The following SRPK2 variants were observed in gnomAD, a reference collection of about 807,000 sequenced individuals.
SRPK2 encodes the protein SRSF protein kinase 2, also known as SFRS protein kinase 2.
A neutral mutation model predicts 90.8 loss-of-function variants in SRPK2; 21 were observed. The observed-to-expected ratio is 0.23, with a 90% CI of 0.16 to 0.33. The LOEUF (loss-of-function observed/expected upper bound fraction) is 0.33, where lower values mean the gene tolerates loss of function less well. Among genes scored for constraint, SRPK2 ranks in the 10% least tolerant of loss-of-function variants. The pLI, the probability that SRPK2 is intolerant of heterozygous loss-of-function variation, is 1.00. For missense variants in SRPK2, 620 were observed against 869.0 expected, an observed-to-expected ratio of 0.71 and a Z score of 3.60; for synonymous variants, 288 against 311.1, an observed-to-expected ratio of 0.93 and a Z score of 0.78.
intron 2 of SRPK2, among the ~76,000 whole-genome samples, chr7:105,378,708 A>G (rs1373031398): frequency 6.6e-6 from 1 of 151,092 alleles, no homozygotes; most frequent in Non-Finnish European, 1.5e-5. Flanking sequence ...GGTTGCAGTG[A>G]GCCGAGATCA....
intron 3 of SRPK2, among the ~76,000 whole-genome samples, chr7:105,181,004 C>T (rs1200544306): frequency 6.6e-6 from 1 of 152,068 alleles, no homozygotes; most frequent in Non-Finnish European, 1.5e-5. Flanking sequence ...AGAATCTACA[C>T]AGAACTTAAA....
chr7:105,283,971 C>A (rs1278867480), intron 2 of SRPK2, among the ~76,000 whole-genome samples: 1 of 152,058 alleles, frequency 6.6e-6, no homozygotes, highest in Non-Finnish European at 1.5e-5. Context: ...ACCTGGGAGA[C>A]AGGCTGGGAG....
At chr7:105,265,931 T>TC (rs1805008431) in intron 2 of SRPK2, among the ~76,000 whole-genome samples, 1 of 152,142 alleles carries the variant, frequency 6.6e-6, no homozygotes, top group African/African-American at 2.4e-5. Context: ...CTGAGTTTTT[T>TC]TCTCTCTCTT....
At chr7:105,336,409 T>G (rs1390637997) in intron 2 of SRPK2, among the ~76,000 whole-genome samples, 2 of 152,164 alleles carry the variant, frequency 1.3e-5, no homozygotes, top group Non-Finnish European at 1.5e-5. Context: ...TATAAAACCT[T>G]TAATGAAAAT....
intron 3 of SRPK2, among the ~76,000 whole-genome samples, chr7:105,197,361 G>A (rs759949473): frequency 3.9e-5 from 6 of 152,142 alleles, no homozygotes; most frequent in Admixed American, 3.3e-4. Flanking sequence ...TCACTCAAAT[G>A]TGTGTGACAG....
intron 3 of SRPK2, among the ~76,000 whole-genome samples, chr7:105,191,873 C>CA (rs987772385): frequency 2.4e-4 from 34 of 140,356 alleles, no homozygotes; most frequent in East Asian, 8.0e-4. Context: ...TAAAAAAAAA[C>CA]AAAAAAAACT....
At chr7:105,339,007 GAAT>G (rs1337251501) in intron 2 of SRPK2, among the ~76,000 whole-genome samples, 1 of 152,022 alleles carries the variant, frequency 6.6e-6, no homozygotes, top group East Asian at 1.9e-4. Flanking sequence ...ATTTTGAAAG[GAAT>G]AATAATAGTT....
chr7:105,125,963 C>G (rs777011919), intron 15 of SRPK2: 21 of 729,044 alleles, frequency 2.9e-5, no homozygotes, highest in Admixed American at 1.7e-4. Context: ...CCCGCGCAGA[C>G]AGAAACAGAG....
intron 2 of SRPK2, among the ~76,000 whole-genome samples, chr7:105,257,431 C>T (rs1267190182): frequency 6.6e-6 from 1 of 152,230 alleles, no homozygotes; most frequent in Non-Finnish European, 1.5e-5. Flanking sequence ...AGTGCCACTG[C>T]TGACATGCAA....
At chr7:105,347,205 A>G (rs1049212662) in intron 2 of SRPK2, among the ~76,000 whole-genome samples, 10 of 151,908 alleles carry the variant, frequency 6.6e-5, no homozygotes, top group African/African-American at 2.4e-5. Flanking sequence ...CTGGGACTAC[A>G]GACATGTGCC....
At chr7:105,208,171 G>A (rs368876779) in intron 2 of SRPK2, among the ~76,000 whole-genome samples, 3 of 152,150 alleles carry the variant, frequency 2.0e-5, no homozygotes, top group Non-Finnish European at 2.9e-5. Flanking sequence ...AAGAAATAAG[G>A]ATCTTCAAAC....
At chr7:105,247,933 CA>C (rs111452727) in intron 2 of SRPK2, among the ~76,000 whole-genome samples, 5,267 of 150,754 alleles carry the variant, frequency 0.035, 326 homozygotes, top group African/African-American at 0.12. Context: ...TGCAATGGTG[CA>C]ACCTCCACCT....
At chr7:105,362,336 G>A (rs181990930) in intron 2 of SRPK2, among the ~76,000 whole-genome samples, 21 of 152,164 alleles carry the variant, frequency 1.4e-4, no homozygotes, top group African/African-American at 2.6e-4. Flanking sequence ...GGCCGGGCGC[G>A]GTGGCTCACG....
At chr7:105,356,449 A>C (rs1274792691) in intron 2 of SRPK2, among the ~76,000 whole-genome samples, 1 of 152,232 alleles carries the variant, frequency 6.6e-6, no homozygotes, top group Non-Finnish European at 1.5e-5. Flanking sequence ...TTTTAAGCCC[A>C]GTTTAGAGTG....
At chr7:105,242,467 AC>A (rs1800945370) in intron 2 of SRPK2, among the ~76,000 whole-genome samples, 1 of 152,064 alleles carries the variant, frequency 6.6e-6, no homozygotes. Context: ...AGCCAAGATC[AC>A]CCCACTGCAC....
At chr7:105,388,974 G>A, upstream of SRPK2, 3 of 915,036 alleles carry the variant, frequency 3.3e-6, no homozygotes, top group Non-Finnish European at 3.9e-6. Flanking sequence ...ACCCGCCCCC[G>A]TCCGGCCCCG....
chr7:105,141,333 T>C (rs973431610), intron 11 of SRPK2, among the ~76,000 whole-genome samples: 2 of 152,202 alleles, frequency 1.3e-5, no homozygotes, highest in Non-Finnish European at 2.9e-5. Flanking sequence ...TTCAGAGCTT[T>C]TCCCCCATAA....
upstream of SRPK2, among the ~76,000 whole-genome samples, chr7:105,393,157 C>A (rs1158725115): frequency 6.6e-6 from 1 of 152,002 alleles, no homozygotes; most frequent in East Asian, 1.9e-4. Context: ...CCACTCCCGG[C>A]TAATTTTTTT....
At chr7:105,166,090 T>G (rs1210755682) in intron 6 of SRPK2, among the ~76,000 whole-genome samples, 1 of 152,146 alleles carries the variant, frequency 6.6e-6, no homozygotes, top group African/African-American at 2.4e-5. Context: ...TTAAAAAACA[T>G]GAGAAACACC....
Sources: gnomAD v4.1 joint callset for allele counts (sites outside exome capture counted in the v4.1 genomes callset) on GRCh38, gnomAD v4.1.1 for gene constraint, MANE v1.5 for transcripts, NCBI Gene and HGNC (gene_info 2026-07-23, HGNC 2026-07-21) for gene names.